Variants in SAMD5 observed in about 807,000 individuals in gnomAD.
SAMD5 encodes the protein sterile alpha motif domain-containing protein 5.
Under a neutral mutation model 11.3 loss-of-function variants are expected in SAMD5, and 13 were observed. The observed-to-expected ratio is 1.15, with a 90% CI of 0.75 to 1.83. The LOEUF (loss-of-function observed/expected upper bound fraction) is 1.83, where lower values mean the gene tolerates loss of function less well. SAMD5 is among the 40% of genes most tolerant of loss of function. The pLI, the probability that SAMD5 is intolerant of heterozygous loss-of-function variation, is 0.00. For missense variants in SAMD5, 255 were observed against 239.1 expected (o/e 1.07, Z -0.44); for synonymous variants, 129 against 111.3 (o/e 1.16, Z -1.00).
the SAMD5 span, among the ~76,000 whole-genome samples, chr6:147,949,595 A>C: frequency 5.5e-3 from 832 of 152,314 alleles, 3 homozygotes; most frequent in African/African-American, 0.019. Context: ...AATCAGATGC[A>C]CTAGAGTTTC....
intron 1 of SAMD5, among the ~76,000 whole-genome samples, chr6:147,708,100 C>A (rs773960450): frequency 6.6e-5 from 10 of 152,158 alleles, no homozygotes; most frequent in Non-Finnish European, 1.2e-4. Flanking sequence ...CATTGAAATC[C>A]TAACCCCAGA....
the SAMD5 span, among the ~76,000 whole-genome samples, chr6:147,815,918 A>T: frequency 3.8e-4 from 58 of 152,214 alleles, no homozygotes; most frequent in Admixed American, 2.2e-3. Flanking sequence ...ATTAAAACAA[A>T]ATGAGCCCCT....
chr6:147,620,757 G>T (rs1426003920), intron 1 of SAMD5, among the ~76,000 whole-genome samples: 1 of 152,182 alleles, frequency 6.6e-6, no homozygotes, highest in African/African-American at 2.4e-5. Context: ...CTTACCTCAG[G>T]GGCTGTACAA....
chr6:147,940,611 T>C, the SAMD5 span, among the ~76,000 whole-genome samples: 1 of 152,222 alleles, frequency 6.6e-6, no homozygotes, highest in African/African-American at 2.4e-5. Context: ...TATTCTGCTT[T>C]ACCACAAAAA....
the SAMD5 span, among the ~76,000 whole-genome samples, chr6:147,816,301 A>AAAAAAAAAAAAATATAT: frequency 4.5e-5 from 3 of 66,354 alleles, no homozygotes; most frequent in African/African-American, 1.0e-4. Context: ...AAAAAAAAAA[A>AAAAAAAAAAAAATATAT]ATATATATAT....
the SAMD5 span, among the ~76,000 whole-genome samples, chr6:147,818,248 G>A: frequency 6.6e-6 from 1 of 152,140 alleles, no homozygotes; most frequent in Non-Finnish European, 1.5e-5. Flanking sequence ...GGTATGATTT[G>A]TGGTCCCTTT....
chr6:147,832,949 G>T, the SAMD5 span, among the ~76,000 whole-genome samples: 223 of 152,310 alleles, frequency 1.5e-3, no homozygotes, highest in African/African-American at 5.0e-3. Flanking sequence ...AATTTTTGGT[G>T]TTAGAATTTC....
chr6:147,751,578 C>T, the SAMD5 span, among the ~76,000 whole-genome samples: 171 of 152,198 alleles, frequency 1.1e-3, no homozygotes, highest in Non-Finnish European at 1.8e-3. Flanking sequence ...TAATGCATGC[C>T]GAAGGCTCGT....
At chr6:147,801,071 AAAG>A in the SAMD5 span, among the ~76,000 whole-genome samples, 1 of 152,196 alleles carries the variant, frequency 6.6e-6, no homozygotes, top group African/African-American at 2.4e-5. Flanking sequence ...TAATTCGTAG[AAAG>A]AAGTTTGCTC....
In SAMD5 at chr6:147,527,136, A is replaced by G. The variant is rs11155499; in HGVS notation, c.459+17749A>G. On this transcript the variant is annotated intron_variant, in intron 1 of 1. Coordinates refer to ENST00000367474, the MANE Select transcript of SAMD5 (RefSeq NM_001030060.3). ...ATAATCAGTTCATTTTCCTCTTTTC[A>G]TTGATCAAAGGCACATAACTCAGTG... 7.3e-3 allele frequency among the ~76,000 whole-genome samples: 1,116 copies of G among 152,232 alleles called. 18 individuals are homozygous for G. The highest frequency in any genetic ancestry group is 0.026 in the African/African-American group (1,062 of 41,538).
chr6:147,529,476 TTTAA>T (rs1362104121), intron 1 of SAMD5, among the ~76,000 whole-genome samples: 2 of 152,326 alleles, frequency 1.3e-5, no homozygotes, highest in East Asian at 1.9e-4. Flanking sequence ...TAGTATAAAC[TTTAA>T]TTGTCTTATA....
chr6:147,744,114 G>A, the SAMD5 span, among the ~76,000 whole-genome samples: 34 of 152,278 alleles, frequency 2.2e-4, no homozygotes, highest in African/African-American at 8.2e-4. Context: ...AGCACTGACT[G>A]CAAAAATGGT....
chr6:147,623,796 T>A (rs1390140589), intron 1 of SAMD5, among the ~76,000 whole-genome samples: 1 of 152,326 alleles, frequency 6.6e-6, no homozygotes, highest in Middle Eastern at 3.4e-3. Flanking sequence ...TAGATGGTAG[T>A]TAGAATGTTT....
At chr6:147,510,327 G>T (rs143008953) in intron 1 of SAMD5, among the ~76,000 whole-genome samples, 1 of 152,202 alleles carries the variant, frequency 6.6e-6, no homozygotes, top group Non-Finnish European at 1.5e-5. Context: ...TTCCGTTTAG[G>T]TTTCTAGTTC....
intron 1 of SAMD5, among the ~76,000 whole-genome samples, chr6:147,583,314 C>G (rs1789325076): frequency 6.6e-6 from 1 of 152,196 alleles, no homozygotes; most frequent in Non-Finnish European, 1.5e-5. Flanking sequence ...AAAATTTAAA[C>G]ACACAGCATG....
chr6:147,650,656 C>T (rs1462149450), intron 1 of SAMD5, among the ~76,000 whole-genome samples: 1 of 152,206 alleles, frequency 6.6e-6, no homozygotes, highest in Non-Finnish European at 1.5e-5. Context: ...AAGGAGGTTG[C>T]ATCAACGTGC....
At chr6:147,555,394 C>T (rs1303008370) in intron 1 of SAMD5, among the ~76,000 whole-genome samples, 1 of 152,112 alleles carries the variant, frequency 6.6e-6, no homozygotes, top group Non-Finnish European at 1.5e-5. Context: ...CTAAAGTGAA[C>T]CTAATATTTC....
At chr6:147,649,056 A>G (rs2128453132) in intron 1 of SAMD5, among the ~76,000 whole-genome samples, 1 of 152,304 alleles carries the variant, frequency 6.6e-6, no homozygotes, top group South Asian at 2.1e-4. Flanking sequence ...AGCAATGTTT[A>G]TGTTCCATGT....
chr6:147,584,208 A>G (rs1569670), intron 1 of SAMD5, among the ~76,000 whole-genome samples: 17,393 of 152,094 alleles, frequency 0.11, 1,245 homozygotes, highest in East Asian at 0.29. Context: ...TATATTATTA[A>G]TATAACCCAC....
Sources: allele counts gnomAD v4.1 joint callset (sites outside exome capture counted in the v4.1 genomes callset), GRCh38; gene constraint gnomAD v4.1.1; transcripts MANE v1.5; gene names NCBI Gene and HGNC (gene_info 2026-07-23, HGNC 2026-07-21).